The following PHKA2 variants were observed in gnomAD, a reference collection of about 807,000 sequenced individuals.
PHKA2 encodes the protein phosphorylase b kinase regulatory subunit alpha, liver isoform.
In PHKA2, 31 loss-of-function variants were observed where a neutral mutation model predicts 102.0. That is an observed-to-expected ratio of 0.30 (90% CI 0.23 to 0.41). The LOEUF is 0.41. Among genes scored for constraint, PHKA2 ranks in the 10% least tolerant of loss-of-function variants. The pLI, the probability that PHKA2 is intolerant of heterozygous loss-of-function variation, is 1.00. For missense variants in PHKA2, 858 were observed against 1,023.1 expected (o/e 0.84, Z 2.20); for synonymous variants, 455 against 416.2 (o/e 1.09, Z -1.13).
intron 13 of PHKA2, among the ~76,000 whole-genome samples, chrX:18,928,967 G>A (rs981548609): frequency 5.3e-5 from 6 of 112,545 alleles, no homozygotes; most frequent in African/African-American, 1.6e-4. Flanking sequence ...GACGCGCAAC[G>A]AATCACTTGT....
At chrX:18,966,217 A>T (rs2048942160) in intron 1 of PHKA2, among the ~76,000 whole-genome samples, 1 of 108,329 alleles carries the variant, frequency 9.2e-6, no homozygotes, top group Non-Finnish European at 1.9e-5. Context: ...CCTCCAGAGT[A>T]GCTGGGATTA....
intron 29 of PHKA2, chrX:18,898,091 G>A (rs563925414): frequency 1.8e-5 from 2 of 112,868 alleles, no homozygotes; most frequent in African/African-American, 3.2e-5. Context: ...CGAGGACCTC[G>A]CAGATCAGGG....
rs7883165 is a variant in PHKA2, at chrX:18,902,149, T to A, written c.2909-546A>T. ...AGCCACTGCAACCAGCCATGTTTTT[T>A]TATTTTTTTTGAGACAGAGTCTTGC... is the stretch of plus-strand genomic sequence containing the variant. On this transcript the variant is annotated intron_variant, in intron 26 of 32. Transcript: ENST00000379942. Among the ~76,000 whole-genome samples the A allele has an allele frequency of 4.1e-3, 445 of 108,316 alleles. 2 individuals are homozygous for A. The highest frequency in any genetic ancestry group is 0.014 in the African/African-American group (419 of 29,552). The allele number at this position is 108,316 out of a possible 115,157, so 94.1% of individuals were successfully genotyped here. A position where few individuals can be genotyped will look rare whatever the true frequency, so the allele number is the denominator to read the frequency against.
At chrX:18,963,845 A>G (rs1236542732) in intron 1 of PHKA2, among the ~76,000 whole-genome samples, 4 of 111,800 alleles carry the variant, frequency 3.6e-5, no homozygotes, top group Non-Finnish European at 5.6e-5. Flanking sequence ...CACCAGAAAT[A>G]ACACAAAGTA....
chrX:18,960,779 A>G (rs764375439), intron 1 of PHKA2, among the ~76,000 whole-genome samples: 5 of 112,230 alleles, frequency 4.5e-5, no homozygotes, highest in Non-Finnish European at 9.4e-5. Flanking sequence ...GAAGAAAGAC[A>G]CAGCGAACCA....
intron 19 of PHKA2, 73 bp from the exon 20 acceptor site, chrX:18,911,033 TCTCAC>T: frequency 1.6e-6 from 1 of 636,679 alleles, no homozygotes; most frequent in Non-Finnish European, 2.5e-6. Context: ...TGAGACAGAA[TCTCAC>T]TCTGTCACCC....
Position 18,951,240 on chromosome X carries a change from C to T in PHKA2, c.318G>A (p.Gln106=). 8.3e-7 allele frequency: 1 copy of T among 1,211,853 alleles called. No homozygotes were observed. The highest frequency in any genetic ancestry group is 3.0e-5 in the East Asian group (1 of 33,825). Residue 106 remains glutamine, a synonymous_variant, in exon 4 of 33, where the codon CAG becomes CAA. Transcript: ENST00000379942. ...VAKVEKFKHT[Q]STKDSLHAKY... is the part of the protein sequence containing the mutation. ...TGGCGTGCAGGCTGTCCTTGGTGCT[C>T]TGAGTGTGTTTGAACTTCTCCACTT...
chrX:18,967,479 G>C (rs1410432173), intron 1 of PHKA2, among the ~76,000 whole-genome samples: 1 of 110,165 alleles, frequency 9.1e-6, no homozygotes, highest in Admixed American at 9.7e-5. Context: ...GGAGACAAGA[G>C]GGGTGGTCCA....
intron 17 of PHKA2, 114 bp from the exon 18 acceptor site, chrX:18,920,315 A>G (rs2048094371): frequency 3.7e-6 from 2 of 535,567 alleles, no homozygotes; most frequent in Non-Finnish European, 6.8e-6. Flanking sequence ...ATCAATACAT[A>G]TATCACTCTG....
intron 26 of PHKA2, among the ~76,000 whole-genome samples, chrX:18,902,303 T>G (rs1332741551): frequency 9.2e-6 from 1 of 108,656 alleles, no homozygotes. Flanking sequence ...ACCTGGCTAA[T>G]TTTTTGTATG....
At chrX:18,931,371 C>A (rs1164740246) in intron 12 of PHKA2, among the ~76,000 whole-genome samples, 2 of 111,739 alleles carry the variant, frequency 1.8e-5, no homozygotes, top group Non-Finnish European at 3.8e-5. Context: ...TGACCATCAA[C>A]TGGAACAGAT....
chrX:18,910,932 A>G lies in PHKA2; in HGVS notation c.2166T>C (p.Val722=). The G allele has an allele frequency of 8.4e-7, 1 of 1,191,761 alleles. No individual in the cohort carries two copies. The highest frequency in any genetic ancestry group is 1.8e-5 in the South Asian group (1 of 56,548). Residue 722 remains valine (V), a synonymous_variant, in exon 20 of 33, where the codon GTT becomes GTC. Transcript: ENST00000379942. ...PFVPMTLPTK[V]LSAHRKSLNL... Reference sequence around the variant, plus strand: ...TCAGTGATTTACGGTGGGCACTTAGAACTTTAGTCGGCAAAGTCATGGGAA... The same window carrying G: ...TCAGTGATTTACGGTGGGCACTTAGGACTTTAGTCGGCAAAGTCATGGGAA...
intron 28 of PHKA2, 55 bp from the exon 29 acceptor site, chrX:18,899,281 C>T: frequency 1.2e-5 from 12 of 993,371 alleles, no homozygotes; most frequent in Non-Finnish European, 1.6e-5. Flanking sequence ...AGAGACACAG[C>T]AGAGAGGAGG....
At chrX:18,944,376 TTCTG>T (rs2048543919) in intron 6 of PHKA2, among the ~76,000 whole-genome samples, 1 of 111,672 alleles carries the variant, frequency 9.0e-6, no homozygotes, top group African/African-American at 3.3e-5. Flanking sequence ...TAAGTACACT[TTCTG>T]TCTGTTTACT....
chrX:18,925,350 G>C (rs2048192316), intron 15 of PHKA2, among the ~76,000 whole-genome samples: 1 of 112,611 alleles, frequency 8.9e-6, no homozygotes, highest in African/African-American at 3.2e-5. Context: ...CAGAGGGTCT[G>C]ATGACAGCTT....
chrX:18,917,997 A>G (rs1260208701), intron 19 of PHKA2, among the ~76,000 whole-genome samples: 1 of 111,074 alleles, frequency 9.0e-6, no homozygotes. Flanking sequence ...AAAGGGGAAC[A>G]CAGCAGATTC....
chrX:18,929,305 C>A lies in PHKA2; in HGVS notation c.1247G>T (p.Gly416Val). ...ATCGATTTCACCAGCGGCAAGGAATCCCTATGAAAAGAGGAGCATTAACAC... is the reference window on the plus strand; with the variant it reads ...ATCGATTTCACCAGCGGCAAGGAATACCTATGAAAAGAGGAGCATTAACAC... ...LYILSSLLAE[G>V]FLAAGEIDPL... The change falls in exon 13 of 33, where the codon GGA becomes GTA. Residue 416 changes from glycine (G) to valine (V), a missense_variant and splice_region_variant. This residue lies in a region of PHKA2 where 671 missense variants were observed against 745.2 expected (regional missense o/e 0.90). Transcript: ENST00000379942. The A allele has an allele frequency of 3.5e-6, 4 of 1,141,187 alleles. No individual in the cohort carries two copies. The highest frequency in any genetic ancestry group is 4.7e-6 in the Non-Finnish European group (4 of 844,235). The allele number at this position is 1,141,187 out of a possible 1,213,427, so 94.0% of individuals were successfully genotyped here. A position where few individuals can be genotyped will look rare whatever the true frequency, so the allele number is the denominator to read the frequency against.
intron 19 of PHKA2, among the ~76,000 whole-genome samples, chrX:18,917,368 T>A (rs986661155): frequency 2.8e-5 from 3 of 108,913 alleles, no homozygotes; most frequent in Non-Finnish European, 5.7e-5. Context: ...AAGTGCTTCT[T>A]CTGCCTCAGC....
At chrX:18,958,115 C>T (rs1270579243) in intron 1 of PHKA2, among the ~76,000 whole-genome samples, 2 of 111,435 alleles carry the variant, frequency 1.8e-5, no homozygotes, top group Non-Finnish European at 3.8e-5. Context: ...CCACCTCGGC[C>T]TCCCAAACTG....
Sources: allele counts gnomAD v4.1 joint callset (sites outside exome capture counted in the v4.1 genomes callset), GRCh38; gene constraint gnomAD v4.1.1; regional missense constraint gnomAD v4.1.1; transcripts MANE v1.5; gene names NCBI Gene and HGNC (gene_info 2026-07-23, HGNC 2026-07-21).